Variants in FAM47E observed in about 807,000 individuals in gnomAD.
FAM47E encodes protein FAM47E.
A neutral mutation model predicts 41.6 loss-of-function variants in FAM47E; 32 were observed. The ratio of observed to expected loss-of-function variants is 0.77; its 90% CI spans 0.58 to 1.03. FAM47E has a LOEUF of 1.03. Ranked by LOEUF, FAM47E falls within the 50% of genes least tolerant of loss-of-function variation. FAM47E has a pLI of 0.00. For synonymous variants in FAM47E, 184 were observed against 188.7 expected (o/e 0.98, Z 0.20); for missense variants, 424 against 485.4 (o/e 0.87, Z 1.19).
chr4:76,247,913 T>C (rs1456412897), upstream of FAM47E, among the ~76,000 whole-genome samples: 3 of 104,134 alleles, frequency 2.9e-5, no homozygotes, highest in Non-Finnish European at 6.0e-5. Context: ...TCTCTCTCTT[T>C]TTTTTTTTTT....
intron 4 of FAM47E, among the ~76,000 whole-genome samples, chr4:76,271,300 A>G (rs546404890): frequency 6.6e-6 from 1 of 152,298 alleles, no homozygotes; most frequent in African/African-American, 2.4e-5. Context: ...GCACCACTAT[A>G]AAGTGCTGGA....
intron 2 of FAM47E, among the ~76,000 whole-genome samples, chr4:76,220,718 T>G (rs1427073024): frequency 6.6e-6 from 1 of 152,240 alleles, no homozygotes; most frequent in African/African-American, 2.4e-5. Flanking sequence ...TAATGGTCCC[T>G]CTTAGAATAT....
At chr4:76,249,641 C>G (rs979443613), upstream of FAM47E, among the ~76,000 whole-genome samples, 4 of 151,976 alleles carry the variant, frequency 2.6e-5, no homozygotes, top group Admixed American at 2.6e-4. Flanking sequence ...GCACCCATCA[C>G]CCAAGCAGTG....
intron 4 of FAM47E, 139 bp downstream of exon 4, chr4:76,268,907 C>A: frequency 1.9e-6 from 2 of 1,064,544 alleles, no homozygotes; most frequent in Non-Finnish European, 2.6e-6. Flanking sequence ...TAAGTCAAAT[C>A]CTCAAAGTCG....
chr4:76,252,283 G>C (rs928995830), intron 1 of FAM47E, among the ~76,000 whole-genome samples: 3 of 152,170 alleles, frequency 2.0e-5, no homozygotes, highest in African/African-American at 7.2e-5. Context: ...AGGGTTGGGG[G>C]AGCGCCTGGG....
intron 2 of FAM47E, among the ~76,000 whole-genome samples, chr4:76,240,684 T>A (rs759761428): frequency 6.6e-6 from 1 of 151,178 alleles, no homozygotes; most frequent in Non-Finnish European, 1.5e-5. Flanking sequence ...CTCTAGCAAG[T>A]TTTTTTAACT....
chr4:76,269,802 C>A (rs1734811371), intron 4 of FAM47E, among the ~76,000 whole-genome samples: 1 of 143,586 alleles, frequency 7.0e-6, no homozygotes, highest in Non-Finnish European at 1.5e-5. Context: ...AAAAAAAAAT[C>A]TGACATAAAG....
At chr4:76,219,330 G>T (rs1733268146) in intron 2 of FAM47E, among the ~76,000 whole-genome samples, 1 of 152,120 alleles carries the variant, frequency 6.6e-6, no homozygotes, top group South Asian at 2.1e-4. Flanking sequence ...AATATACTTT[G>T]CAATATATCT....
chr4:76,215,954 G>T (rs1733198773), intron 1 of FAM47E, among the ~76,000 whole-genome samples: 2 of 152,172 alleles, frequency 1.3e-5, no homozygotes, highest in Admixed American at 1.3e-4. Flanking sequence ...TAGATAACTG[G>T]AGCAGATGGT....
chr4:76,256,083 C>G, intron 1 of FAM47E, 95 bp from the exon 2 acceptor site: 1 of 1,391,496 alleles, frequency 7.2e-7, no homozygotes, highest in Non-Finnish European at 9.6e-7. Flanking sequence ...TGGAGACCAG[C>G]CTTTTTACTA....
chr4:76,277,212 C>T (rs1354526821), intron 5 of FAM47E, among the ~76,000 whole-genome samples: 1 of 152,162 alleles, frequency 6.6e-6, no homozygotes, highest in Non-Finnish European at 1.5e-5. Context: ...TGGCTGGGCG[C>T]AGTGGCTCAG....
rs80058854 is a variant in FAM47E at position 76,239,286 on chromosome 4, A to T, written c.81+21598A>T. On this transcript the variant is annotated intron_variant, in intron 2 of 7. Coordinates refer to the FAM47E transcript ENST00000510197. ...AAATGCTGGGTCATATGGTAATTCT[A>T]CTTTTAGTTTTTAAAGAACCACCAT... Among the ~76,000 whole-genome samples, 1,448 of 152,174 alleles carry T rather than the reference A, an allele frequency of 9.5e-3. 25 individuals carry two copies. Among genetic ancestry groups the T allele is most frequent in the African/African-American group, 0.033 (1,373 of 41,524 alleles).
intron 2 of FAM47E, among the ~76,000 whole-genome samples, chr4:76,262,086 T>C (rs1734441433): frequency 6.6e-6 from 1 of 152,150 alleles, no homozygotes; most frequent in Admixed American, 6.5e-5. Context: ...TATATGAGTA[T>C]ATGTGGAATG....
chr4:76,234,474 CT>C (rs1733549645), intron 2 of FAM47E: 1 of 152,210 alleles, frequency 6.6e-6, no homozygotes, highest in Admixed American at 6.5e-5. Flanking sequence ...AACAGGGACT[CT>C]TGCTAGGCCA....
At position 76,268,743 on chromosome 4, in the gene FAM47E, G is replaced by A; in HGVS notation, c.644G>A (p.Gly215Asp). The A allele has an allele frequency of 6.4e-7, 1 of 1,551,496 alleles. No homozygotes were observed. Among genetic ancestry groups the A allele is most frequent in the Non-Finnish European group, 8.7e-7 (1 of 1,146,930 alleles). ...PHKMDLLHEN[G>D]PRPGLHENGI... Reference sequence around the variant, plus strand: ...AAAATGGATTTGCTCCATGAAAATGGTCCTCGTCCTGGTCTTCATGAAAAT... The same window carrying A: ...AAAATGGATTTGCTCCATGAAAATGATCCTCGTCCTGGTCTTCATGAAAAT... Residue 215 changes from glycine (G) to aspartate (D), a missense_variant, in exon 4 of 8, where the codon GGT becomes GAT. Physicochemically the swap from Gly to Asp is moderately conservative, Grantham distance 94. Transcript: ENST00000424749.
chr4:76,234,548 G>C (rs1346089194), intron 2 of FAM47E: 2 of 152,166 alleles, frequency 1.3e-5, no homozygotes, highest in African/African-American at 2.4e-5. Context: ...CAGGAAGTGA[G>C]GCGGCCAGGC....
chr4:76,262,684 T>C (rs1328666830), intron 2 of FAM47E, among the ~76,000 whole-genome samples: 3 of 152,212 alleles, frequency 2.0e-5, no homozygotes, highest in African/African-American at 7.2e-5. Context: ...TTTGTTCATC[T>C]GTATTTGTGA....
intron 4 of FAM47E, among the ~76,000 whole-genome samples, chr4:76,271,216 T>C (rs1734872278): frequency 1.3e-5 from 2 of 152,230 alleles, no homozygotes; most frequent in African/African-American, 4.8e-5. Context: ...ACCTGGCAGC[T>C]TCCATTATAC....
At chr4:76,261,464 T>C (rs1578783748) in intron 2 of FAM47E, among the ~76,000 whole-genome samples, 1 of 152,312 alleles carries the variant, frequency 6.6e-6, no homozygotes, top group Non-Finnish European at 1.5e-5. Context: ...TAATGTGGTA[T>C]GTATATACCA....
Sources: allele counts gnomAD v4.1 joint callset (sites outside exome capture counted in the v4.1 genomes callset), GRCh38; gene constraint gnomAD v4.1.1; transcripts MANE v1.5; gene names NCBI Gene and HGNC (gene_info 2026-07-23, HGNC 2026-07-21).